MIA2: variants seen among roughly 807,000 people sequenced by gnomAD.
The protein encoded by MIA2 is MIA SH3 domain ER export factor 2.
Under a neutral mutation model 167.8 loss-of-function variants are expected in MIA2, and 127 were observed. The ratio of observed to expected loss-of-function variants is 0.76; its 90% confidence interval spans 0.66 to 0.88. The LOEUF (loss-of-function observed/expected upper bound fraction) is 0.88. MIA2 is among the 40% of genes least tolerant of loss of function. The pLI is 0.00. For missense variants in MIA2, 1,690 were observed against 1,624.7 expected (o/e 1.04, Z -0.69); for synonymous variants, 552 against 541.9 (o/e 1.02, Z -0.26).
intron 9 of MIA2, among the ~76,000 whole-genome samples, chr14:39,282,937 A>G (rs2059152508): frequency 6.6e-6 from 1 of 152,086 alleles, no homozygotes; most frequent in East Asian, 1.9e-4. Context: ...TTTGTTCTCT[A>G]TCTCTATATA....
Position 39,350,155 on chromosome 14 carries a change from T to G in MIA2, c.4130T>G (p.Phe1377Cys), listed in dbSNP as rs769095665. Residue 1377 changes from phenylalanine (F) to cysteine (C), a missense_variant, in exon 29 of 29, where the codon TTT becomes TGT. By Grantham distance (205) the Phe-to-Cys change is radical (BLOSUM62 -2). Coordinates refer to ENST00000640607, the MANE Select transcript of MIA2 (RefSeq NM_001329214.4). ...CCTTACCTTCCCCCAAGACCTGGAT[T>G]TTTCCCCCCACCCCCACATTCTGAA... ...FPPYLPPRPG[F>C]FPPPPHSEGR... The G allele has an allele frequency of 2.1e-6, 3 of 1,407,980 alleles. No homozygotes were observed. Among genetic ancestry groups the G allele is most frequent in the Non-Finnish European group, 2.9e-6 (3 of 1,029,532 alleles). 87.2% of individuals were successfully genotyped at this position (1,407,980 alleles called of 1,614,324 possible). A position where few individuals can be genotyped will look rare whatever the true frequency, so the allele number is the denominator to read the frequency against.
rs78196396 is a variant in MIA2, at chr14:39,271,183, T to C, written c.1888-5751T>C. Among the ~76,000 whole-genome samples the C allele has an allele frequency of 1.3e-3, 198 of 152,350 alleles. 5 individuals are homozygous for C. In the East Asian group the frequency reaches 0.035, roughly 27 times the overall value. Reference sequence around the variant, plus strand: ...GATTCATTCCTTGGCATGTGGATATTTATTGGCTTATTCTAGTATGATTTG... The same window carrying C: ...GATTCATTCCTTGGCATGTGGATATCTATTGGCTTATTCTAGTATGATTTG... On this transcript the variant is annotated intron_variant, in intron 6 of 28. Transcript: ENST00000640607.
At chr14:39,313,287 T>C (rs769615267) in intron 18 of MIA2, 53 bp from the exon 19 acceptor site, 156 of 885,226 alleles carry the variant, frequency 1.8e-4, no homozygotes, top group Non-Finnish European at 2.6e-4. Flanking sequence ...AAATATAGAA[T>C]TGATTATCTT....
At chr14:39,347,818 C>CTTT (rs59832680) in intron 27 of MIA2, 47 bp downstream of exon 27, 8,139 of 700,746 alleles carry the variant, frequency 0.012, 43 homozygotes, top group African/African-American at 0.031. Context: ...CAGAAGCCTT[C>CTTT]TTTTTTTTTT....
intron 25 of MIA2, among the ~76,000 whole-genome samples, chr14:39,344,085 G>T (rs1408564285): frequency 6.6e-6 from 1 of 152,154 alleles, no homozygotes; most frequent in East Asian, 1.9e-4. Flanking sequence ...ACATTGTATT[G>T]TTTGTGCCTG....
intron 27 of MIA2, 85 bp from the exon 28 acceptor site, chr14:39,348,658 G>T (rs1371838868): frequency 6.5e-7 from 1 of 1,543,476 alleles, no homozygotes; most frequent in Non-Finnish European, 9.0e-7. Flanking sequence ...TTTCTGTCTA[G>T]ATGATTTCTT....
Position 39,237,067 on chromosome 14 carries a change from CT to C in MIA2, c.249+16del. 4 of 1,608,510 alleles carry C rather than the reference CT, an allele frequency of 2.5e-6. No individual in the cohort carries two copies. The highest frequency in any genetic ancestry group is 3.4e-6 in the Non-Finnish European group (4 of 1,178,562). Reference sequence around the variant, plus strand: ...TGTGGGCAGGAAGTGTAAGTAACTACTTTTAAAAATTGAATGCAGAATAAAT... The same window carrying C: ...TGTGGGCAGGAAGTGTAAGTAACTACTTTAAAAATTGAATGCAGAATAAAT... On this transcript the variant is annotated intron_variant, in intron 2 of 28. Transcript: ENST00000640607.
chr14:39,361,927 A>G (rs375247775), intron 23 of MIA2, among the ~76,000 whole-genome samples: 1 of 152,040 alleles, frequency 6.6e-6, no homozygotes, highest in East Asian at 1.9e-4. Flanking sequence ...GTTTAATTTT[A>G]TCTTCGTCTA....
intron 14 of MIA2, 101 bp downstream of exon 14, chr14:39,300,087 A>G (rs965601472): frequency 1.0e-5 from 15 of 1,443,442 alleles, no homozygotes; most frequent in Non-Finnish European, 1.4e-5. Flanking sequence ...TTCACAACAT[A>G]TTTTCATAAC....
At chr14:39,315,564 A>G (rs548225583) in intron 20 of MIA2, 119 bp from the exon 21 acceptor site, 2 of 710,756 alleles carry the variant, frequency 2.8e-6, no homozygotes, top group Non-Finnish European at 4.8e-6. Context: ...AATGTTGCCT[A>G]CTCTTCAGAG....
intron 9 of MIA2, among the ~76,000 whole-genome samples, chr14:39,285,634 C>T (rs1388043668): frequency 2.0e-5 from 3 of 146,884 alleles, no homozygotes; most frequent in South Asian, 2.2e-4. Context: ...ACCTCCCTCC[C>T]GGATGGGGTG....
chr14:39,264,313 A>G (rs367772278), intron 6 of MIA2, among the ~76,000 whole-genome samples: 1 of 152,310 alleles, frequency 6.6e-6, no homozygotes, highest in African/African-American at 2.4e-5. Context: ...TCCATCGTGT[A>G]TATGTACCAC....
chr14:39,367,529 C>T (rs8020596), intron 23 of MIA2, among the ~76,000 whole-genome samples: 42,346 of 152,120 alleles, frequency 0.28, 7,056 homozygotes, highest in Non-Finnish European at 0.38. Flanking sequence ...GCTAATGTTG[C>T]AGGAGTTTGC....
intron 23 of MIA2, among the ~76,000 whole-genome samples, chr14:39,366,704 G>A (rs1478886609): frequency 1.3e-5 from 2 of 152,192 alleles, no homozygotes; most frequent in African/African-American, 4.8e-5. Flanking sequence ...GGACAGATCG[G>A]GGTGACCCTT....
intron 14 of MIA2, 147 bp from the exon 15 acceptor site, chr14:39,301,982 A>ATAT: frequency 1.1e-6 from 1 of 922,772 alleles, no homozygotes; most frequent in Admixed American, 2.8e-5. Context: ...CAAGACTACA[A>ATAT]TATCTTAATA....
At chr14:39,386,142 G>A (rs2075270303) in intron 23 of MIA2, 1 of 1,328,500 alleles carries the variant, frequency 7.5e-7, no homozygotes, top group South Asian at 1.2e-5. Flanking sequence ...CTGAACTAGA[G>A]TCTGAAATAG....
intron 23 of MIA2, among the ~76,000 whole-genome samples, chr14:39,368,702 G>A (rs911563578): frequency 5.8e-5 from 7 of 119,992 alleles, no homozygotes; most frequent in African/African-American, 2.3e-4. Flanking sequence ...TTTTTTTTTG[G>A]TAATTTTTGA....
chr14:39,249,792 A>T (rs2054477712), intron 4 of MIA2, among the ~76,000 whole-genome samples: 1 of 152,098 alleles, frequency 6.6e-6, no homozygotes, highest in Non-Finnish European at 1.5e-5. Context: ...ACAAAAACAA[A>T]CCCTAGAATG....
At chr14:39,317,860 T>A in intron 21 of MIA2, 84 bp from the exon 22 acceptor site, 1 of 857,082 alleles carries the variant, frequency 1.2e-6, no homozygotes, top group East Asian at 3.2e-5. Context: ...TTTAAGAAAT[T>A]TAATGAATGT....
Sources: allele counts gnomAD v4.1 joint callset (sites outside exome capture counted in the v4.1 genomes callset), GRCh38; gene constraint gnomAD v4.1.1; transcripts MANE v1.5; gene names NCBI Gene and HGNC (gene_info 2026-07-23, HGNC 2026-07-21).